Variants in CACNA1A observed in about 807,000 individuals in gnomAD.
CACNA1A encodes the protein calcium voltage-gated channel subunit alpha1 A, also known as voltage-dependent P/Q-type calcium channel subunit alpha-1A.
In CACNA1A, 57 loss-of-function variants were observed where a neutral mutation model predicts 262.4. The observed-to-expected ratio is 0.22, with a 90% CI of 0.18 to 0.27. CACNA1A has a LOEUF of 0.27. Among genes scored for constraint, CACNA1A ranks in the 10% least tolerant of loss-of-function variants. CACNA1A has a pLI of 1.00. For missense variants in CACNA1A, 2,526 were observed against 3,562.8 expected (o/e 0.71, Z 7.41); for synonymous variants, 1,431 against 1,419.3 (o/e 1.01, Z -0.18).
chr19:13,227,203 C>T, intron 37 of CACNA1A: 2 of 300,834 alleles, frequency 6.6e-6, no homozygotes, highest in Non-Finnish European at 1.2e-5. Flanking sequence ...TCTCAAAACA[C>T]GAAGACACTC....
intron 3 of CACNA1A, among the ~76,000 whole-genome samples, chr19:13,400,697 C>G (rs1206537352): frequency 6.6e-6 from 1 of 152,164 alleles, no homozygotes; most frequent in African/African-American, 2.4e-5. Flanking sequence ...GTTCTCACAA[C>G]TGGGGCGCGG....
At chr19:13,309,305 G>C (rs1435719990) in intron 12 of CACNA1A, among the ~76,000 whole-genome samples, 1 of 152,092 alleles carries the variant, frequency 6.6e-6, no homozygotes, top group Non-Finnish European at 1.5e-5. Flanking sequence ...ACCACACCTG[G>C]CCTCTTTTTT....
At chr19:13,294,388 T>TCTAA (rs2057615382) in intron 19 of CACNA1A, among the ~76,000 whole-genome samples, 7 of 151,806 alleles carry the variant, frequency 4.6e-5, no homozygotes, top group Admixed American at 4.6e-4. Flanking sequence ...CCTCCCATTC[T>TCTAA]CTAAATGCTC....
chr19:13,222,293 C>T (rs1409397355), intron 38 of CACNA1A, among the ~76,000 whole-genome samples: 5 of 152,196 alleles, frequency 3.3e-5, no homozygotes, highest in Middle Eastern at 3.4e-3. Flanking sequence ...CCACCCACCT[C>T]GGCCTCCCAG....
intron 15 of CACNA1A, 69 bp from the exon 16 acceptor site, chr19:13,303,953 T>A: frequency 1.7e-6 from 2 of 1,158,032 alleles, no homozygotes; most frequent in Non-Finnish European, 1.3e-6. Flanking sequence ...GATGCAGCTG[T>A]GGAGCCGGAA....
rs944296014 is a variant in CACNA1A, at chr19:13,275,785, G to A, written c.3989+65C>T. On this transcript the variant is annotated intron_variant, in intron 24 of 46. Coordinates refer to ENST00000360228, the MANE Select transcript of CACNA1A (RefSeq NM_001127222.2). ...ACCCTGAGAACATGTCCTGTAATCC[G>A]ATGTGTGGCCCAGGCTGGGGGTTGG... 1.1e-5 allele frequency: 12 copies of A among 1,093,168 alleles called. No homozygotes were observed. The East Asian group carries it at 1.7e-4, about 16-fold the overall frequency. 67.7% of individuals were successfully genotyped at this position (1,093,168 alleles called of 1,614,324 possible).
At chr19:13,364,614 G>A (rs1349608809) in intron 5 of CACNA1A, 1 of 151,806 alleles carries the variant, frequency 6.6e-6, no homozygotes, top group African/African-American at 2.4e-5. Context: ...CGGCTCTGAG[G>A]TGTGTGTTCT....
intron 4 of CACNA1A, 101 bp from the exon 5 acceptor site, chr19:13,365,570 C>T: frequency 4.8e-6 from 5 of 1,046,608 alleles, no homozygotes; most frequent in Non-Finnish European, 6.9e-6. Context: ...CAGGTGTGTT[C>T]CTGAGGGAAC....
chr19:13,234,689 AG>A, intron 34 of CACNA1A: 1 of 526,984 alleles, frequency 1.9e-6, no homozygotes, highest in South Asian at 2.3e-5. Context: ...CCAGAAAAGG[AG>A]GAGGAGGGCA....
In CACNA1A at chr19:13,430,026, G is replaced by C. The variant is rs1260415650; in HGVS notation, c.539+22850C>G. On this transcript the variant is annotated intron_variant, in intron 3 of 46. Transcript: ENST00000360228. ...GGGGGAAGGGGGAGTCGGGGAGAGG[G>C]GAAGGGGGAGCGGGGAGTGAGAGTT... Among the ~76,000 whole-genome samples the C allele has an allele frequency of 2.2e-5, 3 of 135,872 alleles. No homozygotes were observed. In the East Asian group the frequency reaches 7.2e-4, roughly 32 times the overall value. 89.1% of individuals were successfully genotyped at this position (135,872 alleles called of 152,430 possible). A position where few individuals can be genotyped will look rare whatever the true frequency, so the allele number is the denominator to read the frequency against.
chr19:13,397,671 T>C (rs62111203), intron 3 of CACNA1A, among the ~76,000 whole-genome samples: 6,536 of 152,242 alleles, frequency 0.043, 377 homozygotes, highest in East Asian at 0.23. Context: ...CAAAGACTCA[T>C]GTCTGTCTCT....
At chr19:13,439,580 G>T (rs867358686) in intron 3 of CACNA1A, among the ~76,000 whole-genome samples, 2,151 of 138,498 alleles carry the variant, frequency 0.016, 47 homozygotes, top group African/African-American at 0.051. Context: ...TTTTTTTTTT[G>T]TTTTGTATTT....
At position 13,355,217 on chromosome 19, in the gene CACNA1A, T is replaced by A. The variant is rs372030848; in HGVS notation, c.978+4389A>T. Among the ~76,000 whole-genome samples, 9 of 152,206 alleles carry A rather than the reference T, an allele frequency of 5.9e-5. No homozygotes were observed. The East Asian group carries it at 1.7e-3, about 29-fold the overall frequency. ...GATGACAGAAGACTGGAATGGAGAA[T>A]GAAGGCTCTAGAAGCCAAGGAATCC... On this transcript the variant is annotated intron_variant, in intron 6 of 46. Coordinates refer to ENST00000360228, the MANE Select transcript of CACNA1A (RefSeq NM_001127222.2).
In CACNA1A at chr19:13,214,994, TTGTG is replaced by T. The variant is rs141017978; in HGVS notation, c.5732-390_5732-387del. 1.3e-4 allele frequency: 20 copies of T among 149,804 alleles called. No homozygotes were observed. The highest frequency in any genetic ancestry group is 5.9e-4 in the South Asian group (3 of 5,100). 9.3% of individuals were successfully genotyped at this position (149,804 alleles called of 1,614,324 possible). On this transcript the variant is annotated intron_variant, in intron 38 of 46. Transcript: ENST00000360228. The surrounding 1 kb of genome is among the most constrained non-coding windows in gnomAD (Gnocchi z 4.1). ...CAAGAGTACTTGCCTCACCTGGTTG[TTGTG>T]TGTGTGTGTGTGTGTTTTTTTTTTT...
chr19:13,294,550 T>C lies in CACNA1A; in HGVS notation c.3089+3994A>G, dbSNP rs536479080. ...TTCTGTTGCCCAGGCTGGAGTGCAG[T>C]GGTGTGATCTCAGCTCACTGTAACC... On this transcript the variant is annotated intron_variant, in intron 19 of 46. Transcript: ENST00000360228. Among the ~76,000 whole-genome samples the C allele has an allele frequency of 1.0e-4, 15 of 142,992 alleles. No individual in the cohort carries two copies. The East Asian group carries it at 3.0e-3, about 29-fold the overall frequency. The allele number at this position is 142,992 out of a possible 152,430, so 93.8% of individuals were successfully genotyped here.
intron 1 of CACNA1A, among the ~76,000 whole-genome samples, chr19:13,471,168 T>C (rs2061341338): frequency 6.6e-6 from 1 of 152,178 alleles, no homozygotes; most frequent in Admixed American, 6.5e-5. Context: ...TCGAGTCCAC[T>C]GTAATCCAGG....
chr19:13,219,829 T>TGTA (rs2055155396), intron 38 of CACNA1A, among the ~76,000 whole-genome samples: 1 of 151,898 alleles, frequency 6.6e-6, no homozygotes, highest in Non-Finnish European at 1.5e-5. Context: ...GGCACGCATC[T>TGTA]GTAGTCCCAC....
chr19:13,374,785 C>T (rs1266011971), intron 3 of CACNA1A, among the ~76,000 whole-genome samples: 13 of 152,192 alleles, frequency 8.5e-5, no homozygotes, highest in African/African-American at 3.1e-4. Flanking sequence ...AAGCCAGGCC[C>T]TATCTCTGTG....
At chr19:13,221,222 CT>C (rs370731735) in intron 38 of CACNA1A, among the ~76,000 whole-genome samples, 25 of 38,018 alleles carry the variant, frequency 6.6e-4, no homozygotes, top group Non-Finnish European at 9.5e-4. Flanking sequence ...TTTTTCTTTT[CT>C]TTCTTTCTTT....
Sources: gnomAD v4.1 joint callset for allele counts (sites outside exome capture counted in the v4.1 genomes callset) on GRCh38, gnomAD v4.1.1 for gene constraint, Gnocchi (gnomAD v3.1) non-coding constraint, MANE v1.5 for transcripts, NCBI Gene and HGNC (gene_info 2026-07-23, HGNC 2026-07-21) for gene names.